NEGR1: variants seen among roughly 807,000 people sequenced by gnomAD.
NEGR1 encodes the protein neuronal growth regulator 1, also known as IgLON family member 4.
Under a neutral mutation model 40.9 loss-of-function variants are expected in NEGR1, and 10 were observed. The observed-to-expected ratio is 0.24, with a 90% confidence interval of 0.15 to 0.42. NEGR1 has a LOEUF of 0.42. Among genes scored for constraint, NEGR1 ranks in the 10% least tolerant of loss-of-function variants. The probability of loss-of-function intolerance (pLI) is 1.00; values close to 1 mark genes in which losing one functional copy is unlikely to be tolerated. For synonymous variants in NEGR1, 185 were observed against 166.8 expected (o/e 1.11, Z -0.84); for missense variants, 352 against 438.9 (o/e 0.80, Z 1.77).
intron 1 of NEGR1, among the ~76,000 whole-genome samples, chr1:72,231,377 C>A (rs1165530580): frequency 6.6e-6 from 1 of 152,098 alleles, no homozygotes; most frequent in Non-Finnish European, 1.5e-5. Context: ...ATGAACCTTA[C>A]TCCACCATTC....
chr1:72,087,437 A>T lies in NEGR1; in HGVS notation c.177-152126T>A, dbSNP rs200169410. ...CAGAGTGAGATGCTGTCTCAAAAAA[A>T]AAATATATATATATATATTATTACT... On this transcript the variant is annotated intron_variant, in intron 1 of 6. Coordinates refer to ENST00000357731, the MANE Select transcript of NEGR1 (RefSeq NM_173808.3). Among the ~76,000 whole-genome samples, 1,223 of 150,202 alleles carry T rather than the reference A, an allele frequency of 8.1e-3. 7 individuals carry two copies. Among genetic ancestry groups the T allele is most frequent in the East Asian group, 0.019 (98 of 5,144 alleles).
intron 3 of NEGR1, among the ~76,000 whole-genome samples, chr1:71,713,250 G>C (rs937296719): frequency 7.9e-5 from 12 of 152,244 alleles, no homozygotes; most frequent in Middle Eastern, 3.4e-3. Flanking sequence ...ATATCGATGT[G>C]TCTACTTACT....
At chr1:71,556,664 C>T (rs960229553) in intron 6 of NEGR1, among the ~76,000 whole-genome samples, 1 of 151,064 alleles carries the variant, frequency 6.6e-6, no homozygotes, top group African/African-American at 2.4e-5. Context: ...TACACACACA[C>T]AAGTCCATGG....
At chr1:71,525,030 A>G (rs1647199819) in intron 6 of NEGR1, among the ~76,000 whole-genome samples, 1 of 151,792 alleles carries the variant, frequency 6.6e-6, no homozygotes, top group Non-Finnish European at 1.5e-5. Context: ...TCTGACCTCC[A>G]AAACTATAAG....
At chr1:71,927,830 A>AAAAAAAAAAAAAAAAAAAAAC (rs1645790358) in intron 2 of NEGR1, among the ~76,000 whole-genome samples, 1 of 126,350 alleles carries the variant, frequency 7.9e-6, no homozygotes, top group African/African-American at 3.3e-5. Context: ...AAAAAAAAAA[A>AAAAAAAAAAAAAAAAAAAAAC]AAAAAAAAAA....
Position 71,405,001 on chromosome 1 carries a change from C to T in NEGR1, c.*2445G>A, listed in dbSNP as rs949466689. On this transcript the variant is annotated 3_prime_UTR_variant, in exon 7 of 7. Coordinates refer to ENST00000357731, the MANE Select transcript of NEGR1 (RefSeq NM_173808.3). ...TCATGATTTCACTCTGTCCGAGGGC[C>T]TAAGGACTAGGAATGCTGCTGTGAT... 1 of 152,156 alleles carries T rather than the reference C, an allele frequency of 6.6e-6. No homozygotes were observed. The highest frequency in any genetic ancestry group is 2.4e-5 in the African/African-American group (1 of 41,388). The allele number at this position is 152,156 out of a possible 1,614,324, so 9.4% of individuals were successfully genotyped here.
At chr1:71,419,094 C>T (rs560523365) in intron 6 of NEGR1, among the ~76,000 whole-genome samples, 4 of 152,258 alleles carry the variant, frequency 2.6e-5, no homozygotes, top group Non-Finnish European at 5.9e-5. Flanking sequence ...CAGTTATGCA[C>T]AGCTAGTACC....
chr1:72,099,586 G>A (rs960707289), intron 1 of NEGR1, among the ~76,000 whole-genome samples: 1 of 151,706 alleles, frequency 6.6e-6, no homozygotes, highest in South Asian at 2.1e-4. Context: ...CTTATCACTC[G>A]CTCTGGTCCT....
intron 2 of NEGR1, among the ~76,000 whole-genome samples, chr1:71,823,795 GC>G (rs1427771068): frequency 3.9e-5 from 6 of 152,036 alleles, no homozygotes; most frequent in Non-Finnish European, 1.5e-5. Context: ...TTTACCACCT[GC>G]CCATTTACTG....
rs986939171 is a variant in NEGR1 at position 72,010,289 on chromosome 1, C to G, written c.177-74978G>C. Among the ~76,000 whole-genome samples, 12 of 151,532 alleles carry G rather than the reference C, an allele frequency of 7.9e-5. No homozygotes were observed. In the East Asian group the frequency reaches 1.9e-3, roughly 25 times the overall value. On this transcript the variant is annotated intron_variant, in intron 1 of 6. Coordinates refer to ENST00000357731, the MANE Select transcript of NEGR1 (RefSeq NM_173808.3). ...ACTGTGAGATAGGTCAGAGGCAGCTCGAGACAGCTGATAAAATGAGGTGAG... is the reference window on the plus strand; with the variant it reads ...ACTGTGAGATAGGTCAGAGGCAGCTGGAGACAGCTGATAAAATGAGGTGAG...
intron 1 of NEGR1, among the ~76,000 whole-genome samples, chr1:72,226,315 A>G (rs1411385946): frequency 1.3e-5 from 2 of 152,008 alleles, no homozygotes; most frequent in African/African-American, 4.8e-5. Flanking sequence ...CAATGCCTAT[A>G]TGAGTGTGAG....
intron 4 of NEGR1, among the ~76,000 whole-genome samples, chr1:71,636,267 C>A (rs546607793): frequency 6.6e-6 from 1 of 152,102 alleles, no homozygotes; most frequent in South Asian, 2.1e-4. Flanking sequence ...TGAAGAAAAT[C>A]ATTTCTATTT....
At position 72,276,928 on chromosome 1, in the gene NEGR1, A is replaced by G. The variant is rs527576040; in HGVS notation, c.176+5391T>C. 7.2e-5 allele frequency among the ~76,000 whole-genome samples: 11 copies of G among 152,290 alleles called. No individual in the cohort carries two copies. The South Asian group carries it at 2.3e-3, about 32-fold the overall frequency. ...GTGGTAAGATAACCCAGTGGTTAGTAACATCAGGAAGCCACTACTACTCCT... is the reference window on the plus strand; with the variant it reads ...GTGGTAAGATAACCCAGTGGTTAGTGACATCAGGAAGCCACTACTACTCCT... On this transcript the variant is annotated intron_variant, in intron 1 of 6. Coordinates refer to ENST00000357731, the MANE Select transcript of NEGR1 (RefSeq NM_173808.3).
intron 4 of NEGR1, among the ~76,000 whole-genome samples, chr1:71,669,803 G>A (rs999700049): frequency 2.6e-5 from 4 of 151,676 alleles, no homozygotes; most frequent in African/African-American, 9.7e-5. Flanking sequence ...GGCATGTGCC[G>A]CCATGCTCAG....
chr1:72,190,172 A>C (rs1162970797), intron 1 of NEGR1, among the ~76,000 whole-genome samples: 1 of 151,608 alleles, frequency 6.6e-6, no homozygotes, highest in African/African-American at 2.4e-5. Context: ...CTTGATAAGT[A>C]GTCAGAATAC....
intron 6 of NEGR1, among the ~76,000 whole-genome samples, chr1:71,579,464 A>G (rs1312567457): frequency 6.6e-6 from 1 of 152,184 alleles, no homozygotes; most frequent in Non-Finnish European, 1.5e-5. Flanking sequence ...TTATGACATT[A>G]CTGGTTAATC....
intron 2 of NEGR1, among the ~76,000 whole-genome samples, chr1:71,858,383 C>T (rs1659845790): frequency 6.6e-6 from 1 of 152,068 alleles, no homozygotes; most frequent in African/African-American, 2.4e-5. Context: ...AGACTGCCTA[C>T]AGAGCAATGC....
intron 6 of NEGR1, among the ~76,000 whole-genome samples, chr1:71,482,503 A>T (rs1325137860): frequency 6.6e-6 from 1 of 151,840 alleles, no homozygotes; most frequent in African/African-American, 2.4e-5. Flanking sequence ...ATTTTAAACA[A>T]ACCCCAGCAT....
At chr1:72,080,215 G>A (rs951462631) in intron 1 of NEGR1, among the ~76,000 whole-genome samples, 10 of 151,952 alleles carry the variant, frequency 6.6e-5, no homozygotes, top group Non-Finnish European at 1.2e-4. Flanking sequence ...TGATTTTGAA[G>A]TTTAAATAAA....
Sources: gnomAD v4.1 joint callset for allele counts (sites outside exome capture counted in the v4.1 genomes callset) on GRCh38, gnomAD v4.1.1 for gene constraint, MANE v1.5 for transcripts, NCBI Gene and HGNC (gene_info 2026-07-23, HGNC 2026-07-21) for gene names.